The following LTBP2 variants were observed in gnomAD, a reference collection of about 807,000 sequenced individuals.
LTBP2 encodes latent transforming growth factor beta binding protein 2.
LTBP2 carries 103 observed loss-of-function variants against 210.6 expected under a neutral mutation model. That is an observed-to-expected ratio of 0.49 (90% CI 0.42 to 0.58). LTBP2 has a LOEUF of 0.58. LTBP2 is among the 20% of genes least tolerant of loss of function. The pLI is 0.00. For missense variants in LTBP2, 2,313 were observed against 2,494.5 expected (o/e 0.93, Z 1.55); for synonymous variants, 1,007 against 1,015.0 (o/e 0.99, Z 0.15).
At chr14:74,544,459 A>G (rs1425533075) in intron 8 of LTBP2, among the ~76,000 whole-genome samples, 1 of 152,222 alleles carries the variant, frequency 6.6e-6, no homozygotes, top group East Asian at 1.9e-4. Context: ...AGCACTTAGC[A>G]CCGTGCCTGG....
At chr14:74,526,735 A>G (rs536050566) in intron 13 of LTBP2, among the ~76,000 whole-genome samples, 5 of 152,324 alleles carry the variant, frequency 3.3e-5, no homozygotes, top group African/African-American at 1.2e-4. Context: ...TCAGGTATGC[A>G]GGCTGGAGGG....
chr14:74,574,838 C>A (rs540013417), intron 3 of LTBP2, among the ~76,000 whole-genome samples: 1 of 152,258 alleles, frequency 6.6e-6, no homozygotes, highest in Admixed American at 6.5e-5. Flanking sequence ...GCCAGATGTC[C>A]GCCTTCAGGC....
chr14:74,540,838 TTTATATATA>T (rs2087490969), intron 8 of LTBP2, among the ~76,000 whole-genome samples: 2 of 15,124 alleles, frequency 1.3e-4, no homozygotes, highest in Admixed American at 1.2e-3. Context: ...ATAATATATA[TTTATATATA>T]TTATATATAT....
chr14:74,583,322 G>A (rs2088162341), intron 3 of LTBP2, among the ~76,000 whole-genome samples: 1 of 152,204 alleles, frequency 6.6e-6, no homozygotes, highest in South Asian at 2.1e-4. Flanking sequence ...TCAGGAGAGA[G>A]GCCAGCAACT....
intron 2 of LTBP2, among the ~76,000 whole-genome samples, chr14:74,597,201 C>T (rs1245561128): frequency 6.6e-6 from 1 of 152,182 alleles, no homozygotes; most frequent in East Asian, 1.9e-4. Context: ...TTTGGCACAT[C>T]CAGGCAGAGT....
chr14:74,555,482 C>A (rs753512094), intron 4 of LTBP2, 21 bp downstream of exon 4: 1 of 1,612,304 alleles, frequency 6.2e-7, no homozygotes, highest in Non-Finnish European at 8.5e-7. Context: ...TCTTCTAGGA[C>A]CCAAGACAGG....
chr14:74,542,108 C>T (rs562701001), intron 8 of LTBP2, among the ~76,000 whole-genome samples: 4 of 152,284 alleles, frequency 2.6e-5, no homozygotes, highest in South Asian at 2.1e-4. Flanking sequence ...CAGTGGGGAC[C>T]GACCTGAACT....
At chr14:74,534,762 A>G (rs574843838) in intron 9 of LTBP2, among the ~76,000 whole-genome samples, 33 of 152,202 alleles carry the variant, frequency 2.2e-4, no homozygotes, top group Non-Finnish European at 3.8e-4. Flanking sequence ...AGGAGAGATG[A>G]CGCATGCGGG....
At chr14:74,513,501 T>A (rs1457761046) in intron 18 of LTBP2, among the ~76,000 whole-genome samples, 2 of 152,082 alleles carry the variant, frequency 1.3e-5, no homozygotes, top group Non-Finnish European at 2.9e-5. Flanking sequence ...GTGGCACTGA[T>A]GAGATAGAAA....
At chr14:74,582,517 A>G (rs1415420075) in intron 3 of LTBP2, among the ~76,000 whole-genome samples, 1 of 151,906 alleles carries the variant, frequency 6.6e-6, no homozygotes, top group African/African-American at 2.4e-5. Context: ...ATTGACAGCT[A>G]TCATGTATTG....
intron 7 of LTBP2, 142 bp downstream of exon 7, chr14:74,550,922 G>A: frequency 9.0e-7 from 1 of 1,108,512 alleles, no homozygotes; most frequent in Non-Finnish European, 1.3e-6. Flanking sequence ...CATGCCTTGG[G>A]TTTTCCCATC....
At chr14:74,506,024 GATA>G in intron 28 of LTBP2, 21 bp downstream of exon 28, 1 of 1,613,810 alleles carries the variant, frequency 6.2e-7, no homozygotes, top group Non-Finnish European at 8.5e-7. Flanking sequence ...AGTCACCATG[GATA>G]ATGTGTCTCC....
chr14:74,538,818 G>A (rs1237008349), intron 8 of LTBP2, among the ~76,000 whole-genome samples: 1 of 152,228 alleles, frequency 6.6e-6, no homozygotes, highest in East Asian at 1.9e-4. Context: ...AGGGACCAGG[G>A]TCCAGCCTAG....
rs1401896059 is a variant in LTBP2 at position 74,508,665 on chromosome 14, C to T, written c.3591G>A (p.Gly1197=). Residue 1197 remains glycine (G), a synonymous_variant, in exon 24 of 36, where the codon GGG becomes GGA. Coordinates refer to ENST00000261978, the MANE Select transcript of LTBP2 (RefSeq NM_000428.3). The stretch of plus-strand genomic sequence containing the variant: ...CAGGCGCGCACAGACAGAAGAAAGA[C>T]CCGTGGCTGTTGAGGCACTCGCCGT... ...APHGECLNSH[G]SFFCLCAPGF... The T allele has an allele frequency of 8.7e-6, 14 of 1,613,504 alleles. No individual in the cohort carries two copies. Among genetic ancestry groups the T allele is most frequent in the Non-Finnish European group, 1.2e-5 (14 of 1,179,990 alleles).
intron 12 of LTBP2, among the ~76,000 whole-genome samples, chr14:74,527,776 C>T (rs1021424467): frequency 3.3e-5 from 5 of 152,212 alleles, no homozygotes; most frequent in African/African-American, 1.2e-4. Context: ...CTGCCCTGGG[C>T]TTTGGGCCAG....
At chr14:74,535,859 C>T (rs1156456641) in intron 9 of LTBP2, 67 bp downstream of exon 9, 2 of 1,398,264 alleles carry the variant, frequency 1.4e-6, no homozygotes, top group East Asian at 2.3e-5. Context: ...GACAGACACC[C>T]CTCCTGTCTG....
chr14:74,527,285 C>G, intron 13 of LTBP2, 62 bp downstream of exon 13: 1 of 1,586,508 alleles, frequency 6.3e-7, no homozygotes. Context: ...GGGGCCTGAG[C>G]TGCTACCAGG....
At position 74,498,301 on chromosome 14, in the gene LTBP2, C is replaced by T. The variant is rs1395072807; in HGVS notation, c.*2583G>A. The T allele has an allele frequency of 1.1e-5, 2 of 187,098 alleles. No individual in the cohort carries two copies. The highest frequency in any genetic ancestry group is 2.3e-5 in the African/African-American group (1 of 42,770). 11.6% of individuals were successfully genotyped at this position (187,098 alleles called of 1,614,324 possible). ...AATCCTGTACCTATCCACCCTGTCA[C>T]CCTCCCCACAAACCACCATTGGTTC... On this transcript the variant is annotated 3_prime_UTR_variant, in exon 36 of 36. Transcript: ENST00000261978.
rs780935822 is a variant in LTBP2 at position 74,508,927 on chromosome 14, C to G, written c.3429G>C (p.Gln1143His). 13 of 1,613,740 alleles carry G rather than the reference C, an allele frequency of 8.1e-6. No individual in the cohort carries two copies. Among genetic ancestry groups the G allele is most frequent in the East Asian group, 2.2e-5 (1 of 44,878 alleles). Residue 1143 changes from glutamine (Q) to histidine (H), a missense_variant, in exon 23 of 36, where the codon CAG (glutamine) becomes CAC (histidine). This residue lies in a region of LTBP2 where 1,867 missense variants were observed against 1,976.9 expected (regional missense o/e 0.94). Coordinates refer to ENST00000261978, the MANE Select transcript of LTBP2 (RefSeq NM_000428.3). ...CEDVDECEDPQSSCLGGECKN... is the reference protein window; with the variant it reads ...CEDVDECEDPHSSCLGGECKN... ...TGCACTCGCCTCCCAGGCAGCTGCT[C>G]TGGGGGTCTTCACATTCATCCACAT...
Sources: gnomAD v4.1 joint callset for allele counts (sites outside exome capture counted in the v4.1 genomes callset) on GRCh38, gnomAD v4.1.1 for gene constraint, gnomAD v4.1.1 regional missense constraint, MANE v1.5 for transcripts, NCBI Gene and HGNC (gene_info 2026-07-23, HGNC 2026-07-21) for gene names.